Variants in KATNA1 observed in about 807,000 individuals in gnomAD.
KATNA1 encodes katanin catalytic subunit A1.
In KATNA1, 42 loss-of-function variants were observed where a neutral mutation model predicts 62.6. The ratio of observed to expected loss-of-function variants is 0.67; its 90% CI spans 0.52 to 0.87. The LOEUF is 0.87. KATNA1 is among the 40% of genes least tolerant of loss of function. KATNA1 has a pLI of 0.00. For synonymous variants in KATNA1, 186 were observed against 201.9 expected (o/e 0.92, Z 0.67); for missense variants, 498 against 612.5 (o/e 0.81, Z 1.97).
At chr6:149,612,671 G>A (rs1779006340) in intron 4 of KATNA1, among the ~76,000 whole-genome samples, 1 of 152,058 alleles carries the variant, frequency 6.6e-6, no homozygotes, top group Non-Finnish European at 1.5e-5. Flanking sequence ...CTATAGACCA[G>A]TATCATTCAT....
chr6:149,633,691 C>T (rs1037849620), intron 2 of KATNA1, among the ~76,000 whole-genome samples: 3 of 151,730 alleles, frequency 2.0e-5, no homozygotes, highest in Non-Finnish European at 4.4e-5. Flanking sequence ...CAAGATCACG[C>T]CACTGCACTC....
chr6:149,605,905 C>G (rs1390997988), intron 4 of KATNA1, among the ~76,000 whole-genome samples: 1 of 152,024 alleles, frequency 6.6e-6, no homozygotes, highest in Non-Finnish European at 1.5e-5. Context: ...AGTAGGATGA[C>G]AGGTGTGCAC....
At chr6:149,633,604 G>A (rs908466885) in intron 2 of KATNA1, among the ~76,000 whole-genome samples, 10 of 151,644 alleles carry the variant, frequency 6.6e-5, no homozygotes, top group Admixed American at 2.0e-4. Flanking sequence ...ATGGGGGCAG[G>A]CACCTACAGG....
chr6:149,632,996 G>A, intron 2 of KATNA1, 80 bp from the exon 3 acceptor site: 2 of 1,101,584 alleles, frequency 1.8e-6, no homozygotes, highest in South Asian at 1.9e-5. Context: ...ATTTACTAGA[G>A]ATGTTACAAA....
intron 4 of KATNA1, 63 bp downstream of exon 4, chr6:149,623,040 G>T: frequency 8.2e-7 from 1 of 1,222,832 alleles, no homozygotes; most frequent in Non-Finnish European, 1.1e-6. Flanking sequence ...AAATAAATTT[G>T]TACAGTCTTC....
intron 7 of KATNA1, among the ~76,000 whole-genome samples, chr6:149,600,743 C>T (rs1778507338): frequency 6.9e-6 from 1 of 144,408 alleles, no homozygotes; most frequent in African/African-American, 2.6e-5. Flanking sequence ...CAAGATCAGC[C>T]TGGGCAACAC....
chr6:149,616,879 C>G (rs911128214), intron 4 of KATNA1, among the ~76,000 whole-genome samples: 1 of 152,118 alleles, frequency 6.6e-6, no homozygotes, highest in African/African-American at 2.4e-5. Flanking sequence ...CAGCATTATT[C>G]ACAAAAGCCA....
At chr6:149,604,148 T>C (rs1287170282) in intron 5 of KATNA1, among the ~76,000 whole-genome samples, 1 of 152,172 alleles carries the variant, frequency 6.6e-6, no homozygotes, top group African/African-American at 2.4e-5. Context: ...TCTAGGATGC[T>C]ATAGATAATA....
chr6:149,610,047 C>T (rs1299429838), intron 4 of KATNA1, among the ~76,000 whole-genome samples: 2 of 144,832 alleles, frequency 1.4e-5, no homozygotes, highest in African/African-American at 2.6e-5. Flanking sequence ...TGTGGTGAGC[C>T]GAGATCACGC....
intron 3 of KATNA1, among the ~76,000 whole-genome samples, chr6:149,628,107 A>ATT (rs1313783489): frequency 6.9e-6 from 1 of 145,444 alleles, no homozygotes; most frequent in South Asian, 2.2e-4. Flanking sequence ...TTGTACTCAC[A>ATT]TTTTTTTTTT....
intron 10 of KATNA1, 115 bp from the exon 11 acceptor site, chr6:149,595,349 C>CAT: frequency 2.9e-6 from 2 of 681,850 alleles, no homozygotes; most frequent in Non-Finnish European, 4.9e-6. Flanking sequence ...AATTATATTA[C>CAT]ATATATATGT....
intron 4 of KATNA1, among the ~76,000 whole-genome samples, chr6:149,616,452 G>A (rs563776078): frequency 6.6e-6 from 1 of 152,262 alleles, no homozygotes; most frequent in South Asian, 2.1e-4. Flanking sequence ...AAACAGTTTT[G>A]TCATTCTTCA....
chr6:149,600,461 C>T (rs1045297503), intron 7 of KATNA1, among the ~76,000 whole-genome samples: 2 of 151,962 alleles, frequency 1.3e-5, no homozygotes, highest in Non-Finnish European at 2.9e-5. Context: ...GGCAAAACCT[C>T]ATCTCTACTA....
intron 4 of KATNA1, among the ~76,000 whole-genome samples, chr6:149,610,130 TAC>T (rs1289858756): frequency 7.2e-6 from 1 of 139,806 alleles, no homozygotes; most frequent in African/African-American, 2.7e-5. Context: ...ATCCTGTCTC[TAC>T]AAAATAAAAA....
intron 2 of KATNA1, among the ~76,000 whole-genome samples, chr6:149,635,330 T>C (rs55849538): frequency 0.35 from 53,790 of 152,090 alleles, 10,950 homozygotes; most frequent in East Asian, 0.81. Flanking sequence ...ATTATAGTAA[T>C]GGGTCTTAAC....
chr6:149,597,324 G>A, intron 9 of KATNA1, 135 bp from the exon 10 acceptor site: 1 of 1,205,570 alleles, frequency 8.3e-7, no homozygotes, highest in Non-Finnish European at 1.2e-6. Context: ...TAAGTAAAGA[G>A]CCATTCTTTA....
Position 149,639,458 on chromosome 6 carries a change from G to A in KATNA1, c.-13-898C>T, listed in dbSNP as rs1040796299. 3.3e-5 allele frequency among the ~76,000 whole-genome samples: 5 copies of A among 152,038 alleles called. No homozygotes were observed. The East Asian group carries it at 7.8e-4, about 24-fold the overall frequency. Reference sequence around the variant, plus strand: ...TACTAAAAATACAAAAATTAGCTGGGCATGGTGGCACGTGCCTGTAATCAC... The same window carrying A: ...TACTAAAAATACAAAAATTAGCTGGACATGGTGGCACGTGCCTGTAATCAC... On this transcript the variant is annotated intron_variant, in intron 1 of 10. Coordinates refer to ENST00000367411, the MANE Select transcript of KATNA1 (RefSeq NM_007044.4).
chr6:149,598,031 A>C (rs1329077878), intron 8 of KATNA1, 193 bp downstream of exon 8: 3 of 570,062 alleles, frequency 5.3e-6, no homozygotes, highest in Non-Finnish European at 9.0e-6. Context: ...CTGACTTGTC[A>C]CCACTGTCAG....
intron 4 of KATNA1, among the ~76,000 whole-genome samples, chr6:149,615,132 CAAAAA>C (rs893824279): frequency 2.2e-5 from 1 of 45,644 alleles, no homozygotes; most frequent in African/African-American, 8.1e-5. Context: ...GACTCTGTCT[CAAAAA>C]AAAAAAAAAA....
Sources: allele counts gnomAD v4.1 joint callset (sites outside exome capture counted in the v4.1 genomes callset), GRCh38; gene constraint gnomAD v4.1.1; transcripts MANE v1.5; gene names NCBI Gene and HGNC (gene_info 2026-07-23, HGNC 2026-07-21).